SCFD2: variants seen among roughly 807,000 people sequenced by gnomAD.
SCFD2 encodes sec1 family domain containing 2.
SCFD2 carries 54 observed loss-of-function variants against 58.9 expected under a neutral mutation model. That is an observed-to-expected ratio of 0.92 (90% CI 0.74 to 1.15). The LOEUF (loss-of-function observed/expected upper bound fraction) is 1.15. Ranked by LOEUF, SCFD2 falls within the 50% of genes most tolerant of loss-of-function variation. SCFD2 has a pLI of 0.00. For missense variants in SCFD2, 805 were observed against 836.6 expected, an observed-to-expected ratio of 0.96 and a Z score of 0.47; for synonymous variants, 321 against 335.9, an observed-to-expected ratio of 0.96 and a Z score of 0.49.
chr4:53,098,528 G>A (rs564385882), intron 5 of SCFD2, among the ~76,000 whole-genome samples: 3 of 152,108 alleles, frequency 2.0e-5, no homozygotes, highest in Admixed American at 6.5e-5. Flanking sequence ...ATTCTCTGAC[G>A]GTAGTTTGTA....
intron 5 of SCFD2, among the ~76,000 whole-genome samples, chr4:52,936,484 C>T (rs1720141631): frequency 6.6e-6 from 1 of 152,196 alleles, no homozygotes. Context: ...AGGTCAGCCA[C>T]AGTACTGATT....
chr4:53,114,529 T>C (rs2148887130), intron 5 of SCFD2, among the ~76,000 whole-genome samples: 1 of 152,254 alleles, frequency 6.6e-6, no homozygotes, highest in South Asian at 2.1e-4. Context: ...AAATTTGATT[T>C]GAATAATTGT....
chr4:52,892,230 C>T (rs1718894199), intron 7 of SCFD2, among the ~76,000 whole-genome samples: 1 of 152,204 alleles, frequency 6.6e-6, no homozygotes, highest in African/African-American at 2.4e-5. Flanking sequence ...ACGGCTGCAT[C>T]CCCTCAATCC....
chr4:53,247,046 A>C (rs1306687946), intron 4 of SCFD2, among the ~76,000 whole-genome samples: 1 of 151,982 alleles, frequency 6.6e-6, no homozygotes, highest in African/African-American at 2.4e-5. Flanking sequence ...TAAGTGGGCA[A>C]AGGTTGAATA....
chr4:53,061,081 A>G (rs1197330808), intron 5 of SCFD2, among the ~76,000 whole-genome samples: 1 of 152,218 alleles, frequency 6.6e-6, no homozygotes, highest in Non-Finnish European at 1.5e-5. Context: ...TAATAGAAAT[A>G]TAACTCTTTA....
At chr4:53,000,290 A>G (rs916641261) in intron 5 of SCFD2, among the ~76,000 whole-genome samples, 5 of 152,328 alleles carry the variant, frequency 3.3e-5, no homozygotes, top group Middle Eastern at 3.4e-3. Flanking sequence ...TGGAGGCCCC[A>G]AACAGATTTT....
intron 1 of SCFD2, among the ~76,000 whole-genome samples, chr4:53,355,636 G>A (rs1028011657): frequency 3.9e-5 from 6 of 152,078 alleles, no homozygotes; most frequent in African/African-American, 1.4e-4. Context: ...CTCTCCAACT[G>A]ATTCCCATTA....
At chr4:53,180,083 A>G (rs1006448746) in intron 4 of SCFD2, among the ~76,000 whole-genome samples, 2 of 152,148 alleles carry the variant, frequency 1.3e-5, no homozygotes, top group African/African-American at 4.8e-5. Context: ...TCAACATTAG[A>G]CAGAACAACG....
At chr4:52,916,653 C>A (rs576655506) in intron 6 of SCFD2, among the ~76,000 whole-genome samples, 33 of 152,266 alleles carry the variant, frequency 2.2e-4, no homozygotes, top group African/African-American at 6.5e-4. Context: ...TCAACAGAAG[C>A]GAGCAACAAA....
At chr4:52,906,094 A>G (rs1336020187) in intron 7 of SCFD2, among the ~76,000 whole-genome samples, 1 of 152,166 alleles carries the variant, frequency 6.6e-6, no homozygotes, top group Non-Finnish European at 1.5e-5. Flanking sequence ...TTGGACAAAG[A>G]GCAGAGTTAG....
chr4:53,224,120 G>C (rs1317481054), intron 4 of SCFD2, among the ~76,000 whole-genome samples: 1 of 152,142 alleles, frequency 6.6e-6, no homozygotes, highest in Non-Finnish European at 1.5e-5. Flanking sequence ...GCTGGGCGCA[G>C]TGATTCACGC....
rs928441971 is a variant in SCFD2, at chr4:53,251,818, T to G, written c.1311+22008A>C. 8.6e-3 allele frequency among the ~76,000 whole-genome samples: 1,311 copies of G among 151,786 alleles called. 18 individuals carry two copies. Among genetic ancestry groups the G allele is most frequent in the African/African-American group, 0.03 (1,233 of 41,332 alleles). ...AACTAGAAGCATTCCCTTTGAAAAC[T>G]GGCACAAGACAGGGATGCCCTCTCT... On this transcript the variant is annotated intron_variant, in intron 4 of 8. Coordinates refer to ENST00000401642, the MANE Select transcript of SCFD2 (RefSeq NM_152540.4).
chr4:52,919,430 G>A (rs956227523), intron 6 of SCFD2, among the ~76,000 whole-genome samples: 4 of 152,164 alleles, frequency 2.6e-5, no homozygotes, highest in South Asian at 4.1e-4. Flanking sequence ...GTATTTTGTC[G>A]CCGTGGCATT....
At chr4:53,007,293 AGAGAGG>A (rs1560507966) in intron 5 of SCFD2, among the ~76,000 whole-genome samples, 2 of 115,280 alleles carry the variant, frequency 1.7e-5, no homozygotes, top group African/African-American at 3.3e-5. Context: ...AGAGAGAGGG[AGAGAGG>A]GAGAGGGAGA....
intron 5 of SCFD2, among the ~76,000 whole-genome samples, chr4:53,121,749 T>A (rs1195299976): frequency 6.6e-6 from 1 of 152,196 alleles, no homozygotes; most frequent in Non-Finnish European, 1.5e-5. Flanking sequence ...CTTGACTCCC[T>A]TTGTGGAAGA....
intron 4 of SCFD2, among the ~76,000 whole-genome samples, chr4:53,203,878 C>T (rs1423967237): frequency 2.0e-5 from 3 of 152,054 alleles, no homozygotes; most frequent in Non-Finnish European, 2.9e-5. Flanking sequence ...CAGGAGGTTT[C>T]GTATCTGGAG....
At chr4:53,050,595 G>T (rs1195322064) in intron 5 of SCFD2, among the ~76,000 whole-genome samples, 2 of 152,150 alleles carry the variant, frequency 1.3e-5, no homozygotes, top group African/African-American at 4.8e-5. Flanking sequence ...AAAAAGCCAG[G>T]CAGATAATGC....
intron 2 of SCFD2, among the ~76,000 whole-genome samples, chr4:53,316,466 T>C (rs1436593829): frequency 2.6e-5 from 4 of 152,240 alleles, no homozygotes; most frequent in Non-Finnish European, 5.9e-5. Context: ...GATTAAATAA[T>C]ATAATTCATT....
chr4:53,142,875 T>C (rs1726211985), intron 5 of SCFD2, among the ~76,000 whole-genome samples: 1 of 152,208 alleles, frequency 6.6e-6, no homozygotes, highest in South Asian at 2.1e-4. Flanking sequence ...AGTGGTAAGT[T>C]TGAATATGTC....
Sources: allele counts gnomAD v4.1 joint callset (sites outside exome capture counted in the v4.1 genomes callset), GRCh38; gene constraint gnomAD v4.1.1; transcripts MANE v1.5; gene names NCBI Gene and HGNC (gene_info 2026-07-23, HGNC 2026-07-21).